TJP1: variants seen among roughly 807,000 people sequenced by gnomAD.
TJP1 encodes tight junction protein 1, also known as tight junction protein ZO-1.
Under a neutral mutation model 194.2 loss-of-function variants are expected in TJP1, and 43 were observed. The observed-to-expected ratio is 0.22, with a 90% CI of 0.17 to 0.29. TJP1 has a LOEUF of 0.29. Ranked by LOEUF, TJP1 falls within the 10% of genes least tolerant of loss-of-function variation. The pLI, the probability that TJP1 is intolerant of heterozygous loss-of-function variation, is 1.00. For synonymous variants in TJP1, 801 were observed against 779.0 expected (o/e 1.03, Z -0.47); for missense variants, 1,971 against 2,185.7 (o/e 0.90, Z 1.96).
chr15:29,863,850 C>A (rs1381743244), intron 2 of TJP1, among the ~76,000 whole-genome samples: 2 of 152,140 alleles, frequency 1.3e-5, no homozygotes, highest in Non-Finnish European at 2.9e-5. Context: ...AGTTTGCCCT[C>A]CTGGTTCATG....
At chr15:29,939,990 C>G (rs369469511) in intron 2 of TJP1, among the ~76,000 whole-genome samples, 1 of 152,248 alleles carries the variant, frequency 6.6e-6, no homozygotes, top group East Asian at 1.9e-4. Context: ...ACACCATGCA[C>G]TTGAATAACA....
chr15:29,783,325 C>T (rs1451198086), intron 2 of TJP1, among the ~76,000 whole-genome samples: 2 of 151,774 alleles, frequency 1.3e-5, no homozygotes, highest in Non-Finnish European at 2.9e-5. Context: ...GTCAGAATGG[C>T]TAATATTAAA....
intron 3 of TJP1, 64 bp downstream of exon 3, chr15:29,773,169 C>A (rs16955763): frequency 6.3e-7 from 1 of 1,589,550 alleles, no homozygotes; most frequent in Non-Finnish European, 8.6e-7. Context: ...TAAGACAGTA[C>A]GCCAGTGCCT....
At chr15:29,730,567 T>C (rs2043564780) in intron 15 of TJP1, 1 of 495,054 alleles carries the variant, frequency 2.0e-6, no homozygotes. Context: ...ACTGCACTCC[T>C]GCCTGGGCAA....
At position 29,821,995 on chromosome 15, in the gene TJP1, C is replaced by G. The variant is rs1304058874; in HGVS notation, c.27+7G>C. The G allele has an allele frequency of 7.5e-7, 1 of 1,330,014 alleles. No individual in the cohort carries two copies. The highest frequency in any genetic ancestry group is 9.6e-7 in the Non-Finnish European group (1 of 1,038,282). The allele number at this position is 1,330,014 out of a possible 1,614,324, so 82.4% of individuals were successfully genotyped here. Reference sequence around the variant, plus strand: ...GGTCTGGCCCTGGCGGCCGCGGAGGCGCTCACCTTGGCGGCCGCAGCTCTG... The same window carrying G: ...GGTCTGGCCCTGGCGGCCGCGGAGGGGCTCACCTTGGCGGCCGCAGCTCTG... On this transcript the variant is annotated splice_region_variant and intron_variant, in intron 1 of 27. Coordinates refer to ENST00000614355, the MANE Select transcript of TJP1 (RefSeq NM_001330239.4).
At chr15:29,823,933 A>G (rs1299697623), upstream of TJP1, 1 of 151,448 alleles carries the variant, frequency 6.6e-6, no homozygotes, top group Non-Finnish European at 1.5e-5. Context: ...TAAAAATACA[A>G]AAATTAGCCT....
chr15:29,771,527 C>T lies in TJP1; in HGVS notation c.312+537G>A, dbSNP rs1016653594. On this transcript the variant is annotated intron_variant, in intron 4 of 27. Transcript: ENST00000614355. ...AGCCAAAAAGAGGTAACTATTTGGC[C>T]GGGCGTGGTGGCTCATGCTTGTAAT... 4.6e-5 allele frequency among the ~76,000 whole-genome samples: 7 copies of T among 152,204 alleles called. No homozygotes were observed. The East Asian group carries it at 7.7e-4, about 17-fold the overall frequency.
intron 1 of TJP1, among the ~76,000 whole-genome samples, chr15:29,965,699 A>G (rs776889651): frequency 2.0e-5 from 3 of 152,238 alleles, no homozygotes; most frequent in Non-Finnish European, 2.9e-5. Flanking sequence ...AAAATGAAAC[A>G]TTATCTAAAA....
At chr15:29,925,875 T>C (rs952281811) in intron 2 of TJP1, among the ~76,000 whole-genome samples, 4 of 152,228 alleles carry the variant, frequency 2.6e-5, no homozygotes, top group African/African-American at 9.6e-5. Context: ...TATTAGCTCC[T>C]TTCTCTAGTG....
rs188220713 is a variant in TJP1 at position 29,910,875 on chromosome 15, T to C, written c.306+45357A>G. ...AAAGAGAGTGACAGATTATCTGAGG[T>C]GGAATTAAATGATCAATGAGCCCTG... is the stretch of plus-strand genomic sequence containing the variant. On this transcript the variant is annotated intron_variant, in intron 2 of 28. Transcript: ENST00000356107. Among the ~76,000 whole-genome samples, 330 of 152,224 alleles carry C rather than the reference T, an allele frequency of 2.2e-3. 6 individuals are homozygous for C. The highest frequency in any genetic ancestry group is 0.019 in the Admixed American group (298 of 15,288).
At chr15:29,724,763 G>T (rs923075352) in intron 18 of TJP1, among the ~76,000 whole-genome samples, 6 of 152,186 alleles carry the variant, frequency 3.9e-5, no homozygotes, top group Admixed American at 1.3e-4. Context: ...GCTGTAAGTT[G>T]TAACAACCTT....
At chr15:29,888,397 TTAATC>T (rs1215919607) in intron 2 of TJP1, among the ~76,000 whole-genome samples, 1 of 152,064 alleles carries the variant, frequency 6.6e-6, no homozygotes, top group Non-Finnish European at 1.5e-5. Context: ...CTTAATGCCT[TTAATC>T]TATTCAAAAA....
At chr15:29,928,345 A>G (rs1215307280) in intron 2 of TJP1, among the ~76,000 whole-genome samples, 1 of 152,238 alleles carries the variant, frequency 6.6e-6, no homozygotes, top group Non-Finnish European at 1.5e-5. Context: ...GTACATCCCA[A>G]CTATGATGGT....
chr15:29,918,704 A>C (rs2054264515), intron 2 of TJP1, among the ~76,000 whole-genome samples: 1 of 151,980 alleles, frequency 6.6e-6, no homozygotes, highest in African/African-American at 2.4e-5. Context: ...GTGCCACTGC[A>C]CTCCTGCCTG....
intron 2 of TJP1, among the ~76,000 whole-genome samples, chr15:29,833,468 A>G (rs928577005): frequency 2.0e-5 from 3 of 152,040 alleles, no homozygotes; most frequent in Non-Finnish European, 4.4e-5. Flanking sequence ...GTCTCAGCTC[A>G]CTGCAACCTC....
At position 29,718,735 on chromosome 15, in the gene TJP1, G is replaced by A. The variant is rs760935086; in HGVS notation, c.3407C>T (p.Ala1136Val). Residue 1136 changes from alanine (A) to valine (V), a missense_variant, in exon 21 of 28, where the codon GCC (alanine) becomes GTC (valine). Around this residue, in one of 5 missense-constraint regions of TJP1, gnomAD observed 1,108 missense variants for 1,128.5 expected, o/e 0.98. Transcript: ENST00000614355. Reference protein sequence around the residue: ...RGYFPRFEEPAPLSYDSRPRY... With the variant: ...RGYFPRFEEPVPLSYDSRPRY... ...TGGTCTGCTGTCGTAAGACAGAGGG[G>A]CTGGCTCTTCAAAACGTGGAAAGTA... The A allele has an allele frequency of 6.2e-7, 1 of 1,614,134 alleles. No individual in the cohort carries two copies. The highest frequency in any genetic ancestry group is 1.1e-5 in the South Asian group (1 of 91,086).
chr15:29,886,161 G>A (rs1469706642), intron 2 of TJP1, among the ~76,000 whole-genome samples: 1 of 152,160 alleles, frequency 6.6e-6, no homozygotes, highest in African/African-American at 2.4e-5. Context: ...TTAAACATCA[G>A]CAGTGTAGAA....
At chr15:29,747,797 T>C (rs1252713434) in intron 8 of TJP1, among the ~76,000 whole-genome samples, 1 of 152,226 alleles carries the variant, frequency 6.6e-6, no homozygotes, top group Non-Finnish European at 1.5e-5. Flanking sequence ...TGGCTATACA[T>C]GTAGGGCTCT....
chr15:29,905,583 T>C (rs1341728281), intron 2 of TJP1, among the ~76,000 whole-genome samples: 1 of 152,216 alleles, frequency 6.6e-6, no homozygotes, highest in South Asian at 2.1e-4. Flanking sequence ...GCTTTAATCA[T>C]AATTGCCAAA....
Sources: gnomAD v4.1 joint callset for allele counts (sites outside exome capture counted in the v4.1 genomes callset) on GRCh38, gnomAD v4.1.1 for gene constraint, gnomAD v4.1.1 regional missense constraint, MANE v1.5 for transcripts, NCBI Gene and HGNC (gene_info 2026-07-23, HGNC 2026-07-21) for gene names.